Variants in SLC23A2 observed in about 807,000 individuals in gnomAD.
SLC23A2 encodes the protein Na(+)/L-ascorbic acid transporter 2.
Under a neutral mutation model 73.3 loss-of-function variants are expected in SLC23A2, and 36 were observed. That is an observed-to-expected ratio of 0.49 (90% confidence interval 0.38 to 0.65). The LOEUF (loss-of-function observed/expected upper bound fraction) is 0.65, where lower values mean the gene tolerates loss of function less well. SLC23A2 is among the 30% of genes least tolerant of loss of function. The pLI, the probability that SLC23A2 is intolerant of heterozygous loss-of-function variation, is 0.00. For missense variants in SLC23A2, 507 were observed against 841.6 expected, an observed-to-expected ratio of 0.60 and a Z score of 4.92; for synonymous variants, 343 against 327.3, an observed-to-expected ratio of 1.05 and a Z score of -0.52.
chr20:4,958,627 C>T (rs1280952290), intron 2 of SLC23A2, among the ~76,000 whole-genome samples: 3 of 151,796 alleles, frequency 2.0e-5, no homozygotes, highest in African/African-American at 7.3e-5. Flanking sequence ...GAGGTTTCAC[C>T]ATGATGCCAA....
chr20:4,990,456 G>A (rs1042092343), intron 1 of SLC23A2, among the ~76,000 whole-genome samples: 4 of 151,718 alleles, frequency 2.6e-5, no homozygotes, highest in South Asian at 2.1e-4. Context: ...TGCAACCTCC[G>A]TTTCCTGGGT....
chr20:4,862,914 A>G lies in SLC23A2; in HGVS notation c.1357-7T>C. The G allele has an allele frequency of 3.1e-6, 5 of 1,604,836 alleles. No homozygotes were observed. In the South Asian group the frequency reaches 5.5e-5, roughly 18 times the overall value. On this transcript the variant is annotated splice_region_variant and splice_polypyrimidine_tract_variant and intron_variant, in intron 13 of 16. Transcript: ENST00000338244. This position sits in a 1 kb window ranked among gnomAD's most constrained non-coding sequence, Gnocchi z 5.1. ...TCACGCGGCGGCTGCCGACCTGCAG[A>G]ACACACAGGAGACTGGGAAACAGGG...
At chr20:4,866,246 A>C (rs996175307) in intron 13 of SLC23A2, among the ~76,000 whole-genome samples, 1 of 152,246 alleles carries the variant, frequency 6.6e-6, no homozygotes, top group South Asian at 2.1e-4. Context: ...ATGACAACAA[A>C]AAGTTTGTAC....
intron 4 of SLC23A2, 82 bp downstream of exon 4, chr20:4,912,798 G>A (rs1416098490): frequency 1.1e-6 from 1 of 878,634 alleles, no homozygotes; most frequent in African/African-American, 1.6e-5. Flanking sequence ...GTGTCTGAAA[G>A]GGATCCGGAT....
chr20:4,869,796 G>T, intron 12 of SLC23A2, 110 bp downstream of exon 12: 2 of 941,656 alleles, frequency 2.1e-6, no homozygotes, highest in Non-Finnish European at 1.6e-6. Context: ...CCTGCTGCTT[G>T]GCTGGGCTCC....
At chr20:4,945,906 G>A (rs915678394) in intron 2 of SLC23A2, among the ~76,000 whole-genome samples, 12 of 152,194 alleles carry the variant, frequency 7.9e-5, no homozygotes, top group Non-Finnish European at 2.9e-5. Flanking sequence ...GTGAGAAAGC[G>A]GTATAAGATG....
In SLC23A2 at chr20:4,889,374, G is replaced by A. The variant is rs1931231572; in HGVS notation, c.483-3465C>T. 2.0e-5 allele frequency among the ~76,000 whole-genome samples: 3 copies of A among 151,960 alleles called. No individual in the cohort carries two copies. The South Asian group carries it at 6.2e-4, about 32-fold the overall frequency. On this transcript the variant is annotated intron_variant, in intron 6 of 16. Transcript: ENST00000338244. The stretch of plus-strand genomic sequence containing the variant: ...GGAGCTCATATGATGAAGGTCAGTG[G>A]GGACCAGATGACAAATGCCCCGCAT...
At chr20:4,938,408 G>A (rs1030021731) in intron 2 of SLC23A2, among the ~76,000 whole-genome samples, 6 of 148,170 alleles carry the variant, frequency 4.0e-5, no homozygotes, top group East Asian at 4.0e-4. Context: ...GTGCGATCTC[G>A]GCTCACCACA....
intron 2 of SLC23A2, among the ~76,000 whole-genome samples, chr20:4,969,465 C>G (rs1871402802): frequency 6.6e-6 from 1 of 152,002 alleles, no homozygotes. Flanking sequence ...TAAGTGTACA[C>G]AGAAAGTAAA....
chr20:4,961,284 T>G (rs185193520), intron 2 of SLC23A2, among the ~76,000 whole-genome samples: 3,243 of 152,142 alleles, frequency 0.021, 38 homozygotes, highest in Non-Finnish European at 0.035. Context: ...GGTTTCACCT[T>G]GTTAGCCAGG....
At chr20:4,870,548 G>A (rs1930404884) in intron 11 of SLC23A2, among the ~76,000 whole-genome samples, 1 of 151,824 alleles carries the variant, frequency 6.6e-6, no homozygotes, top group South Asian at 2.1e-4. Flanking sequence ...CTGCACTCCA[G>A]CCTGGGTGAT....
intron 1 of SLC23A2, among the ~76,000 whole-genome samples, chr20:5,008,929 A>G (rs557201490): frequency 1.3e-5 from 2 of 152,034 alleles, no homozygotes; most frequent in Admixed American, 6.6e-5. Flanking sequence ...TCCCCTTCTC[A>G]GCTCAGCTTC....
chr20:4,887,299 G>A (rs1443678096), intron 6 of SLC23A2, among the ~76,000 whole-genome samples: 1 of 152,210 alleles, frequency 6.6e-6, no homozygotes, highest in African/African-American at 2.4e-5. Context: ...TATTCCATAA[G>A]CACAAATTTT....
At chr20:4,881,267 T>C (rs957068930) in intron 9 of SLC23A2, among the ~76,000 whole-genome samples, 5 of 152,146 alleles carry the variant, frequency 3.3e-5, no homozygotes, top group African/African-American at 1.2e-4. Context: ...AGGGGCTGGA[T>C]CTGTAAGTAT....
chr20:4,874,440 G>A, intron 10 of SLC23A2, 136 bp downstream of exon 10: 1 of 766,638 alleles, frequency 1.3e-6, no homozygotes, highest in Non-Finnish European at 2.2e-6. Flanking sequence ...TGATCTGAGT[G>A]GTCATTAGTA....
At chr20:4,971,208 T>C (rs2087554945) in intron 1 of SLC23A2, among the ~76,000 whole-genome samples, 1 of 151,386 alleles carries the variant, frequency 6.6e-6, no homozygotes, top group African/African-American at 2.4e-5. Context: ...GGCTCACACC[T>C]GTAACCCCAG....
chr20:4,923,325 C>T (rs1430181512), intron 3 of SLC23A2, among the ~76,000 whole-genome samples: 3 of 152,144 alleles, frequency 2.0e-5, no homozygotes, highest in African/African-American at 7.2e-5. Context: ...AAAATCTTCA[C>T]TTGCATCCCA....
chr20:5,006,487 G>T (rs552992902), upstream of SLC23A2, among the ~76,000 whole-genome samples: 11 of 152,030 alleles, frequency 7.2e-5, no homozygotes, highest in Middle Eastern at 3.4e-3. Flanking sequence ...GCTTACTTGG[G>T]GTTCAAAGTT....
intron 11 of SLC23A2, among the ~76,000 whole-genome samples, chr20:4,873,612 A>G (rs1015808006): frequency 5.3e-5 from 8 of 152,220 alleles, no homozygotes; most frequent in African/African-American, 1.9e-4. Flanking sequence ...AAGCAGCTCT[A>G]TACTTGCCTA....
Sources: gnomAD v4.1 joint callset for allele counts (sites outside exome capture counted in the v4.1 genomes callset) on GRCh38, gnomAD v4.1.1 for gene constraint, Gnocchi (gnomAD v3.1) non-coding constraint, MANE v1.5 for transcripts, NCBI Gene and HGNC (gene_info 2026-07-23, HGNC 2026-07-21) for gene names.